Variants in CPED1 observed in about 807,000 individuals in gnomAD.
The protein encoded by CPED1 is cadherin-like and PC-esterase domain-containing protein 1.
Under a neutral mutation model 128.2 loss-of-function variants are expected in CPED1, and 114 were observed. The ratio of observed to expected loss-of-function variants is 0.89; its 90% CI spans 0.76 to 1.04. The LOEUF is 1.04. Ranked by LOEUF, CPED1 falls within the 50% of genes least tolerant of loss-of-function variation. CPED1 has a pLI of 0.00. For synonymous variants in CPED1, 462 were observed against 426.7 expected, an observed-to-expected ratio of 1.08 and a Z score of -1.02; for missense variants, 1,211 against 1,207.1, an observed-to-expected ratio of 1.00 and a Z score of -0.05.
At chr7:121,279,043 G>A (rs565465053) in intron 22 of CPED1, among the ~76,000 whole-genome samples, 3 of 152,154 alleles carry the variant, frequency 2.0e-5, no homozygotes, top group African/African-American at 7.2e-5. Flanking sequence ...GAACTATTTT[G>A]ATTACCATTT....
intron 22 of CPED1, among the ~76,000 whole-genome samples, chr7:121,289,797 C>T (rs1792655482): frequency 6.6e-6 from 1 of 151,740 alleles, no homozygotes; most frequent in Admixed American, 6.6e-5. Flanking sequence ...ATTTGTTATT[C>T]TTTTATTATT....
At chr7:121,148,724 G>T (rs1251709518) in intron 16 of CPED1, among the ~76,000 whole-genome samples, 1 of 152,160 alleles carries the variant, frequency 6.6e-6, no homozygotes, top group African/African-American at 2.4e-5. Context: ...CCCATAGATT[G>T]TATTCCTGAC....
chr7:121,237,657 A>G (rs908413590), intron 17 of CPED1, among the ~76,000 whole-genome samples: 39 of 152,076 alleles, frequency 2.6e-4, no homozygotes, highest in Admixed American at 2.5e-3. Flanking sequence ...ATCTTCTCCA[A>G]GTTTCCTGGT....
At chr7:121,147,515 C>T (rs564826446) in intron 16 of CPED1, among the ~76,000 whole-genome samples, 27 of 144,522 alleles carry the variant, frequency 1.9e-4, no homozygotes, top group South Asian at 8.4e-4. Context: ...ATAAAATATA[C>T]TTATAAGAAA....
chr7:121,173,728 A>G (rs144881916), intron 16 of CPED1, among the ~76,000 whole-genome samples: 5 of 152,178 alleles, frequency 3.3e-5, no homozygotes, highest in African/African-American at 9.6e-5. Flanking sequence ...AATGATGTAT[A>G]TTCTTCCAGG....
chr7:121,266,747 G>A lies in CPED1; in HGVS notation c.2572G>A (p.Val858Ile). 1 of 1,613,038 alleles carries A rather than the reference G, an allele frequency of 6.2e-7. No individual in the cohort carries two copies. Among genetic ancestry groups the A allele is most frequent in the East Asian group, 2.2e-5 (1 of 44,830 alleles). The stretch of plus-strand genomic sequence containing the variant: ...GAATACTGGCCAGACTGTATTGGTT[G>A]TTGGTGGTGTTCAGTGGCTTAATTC... ...LENTGQTVLV[V>I]GGVQWLNSNH... Residue 858 changes from valine to isoleucine, a missense_variant, in exon 20 of 23, where the codon GTT (valine) becomes ATT (isoleucine). Transcript: ENST00000310396.
At chr7:121,269,601 A>G (rs1792194732) in intron 21 of CPED1, among the ~76,000 whole-genome samples, 1 of 152,070 alleles carries the variant, frequency 6.6e-6, no homozygotes, top group Non-Finnish European at 1.5e-5. Flanking sequence ...GAATTAATTT[A>G]TGTTTCCACC....
intron 10 of CPED1, among the ~76,000 whole-genome samples, chr7:121,127,632 T>C (rs1331773108): frequency 1.3e-5 from 2 of 150,828 alleles, no homozygotes; most frequent in African/African-American, 4.9e-5. Context: ...GCCTCCTGGG[T>C]TCAAGAGATT....
At chr7:121,186,649 T>TA (rs58418160) in intron 16 of CPED1, among the ~76,000 whole-genome samples, 9 of 152,020 alleles carry the variant, frequency 5.9e-5, no homozygotes, top group Non-Finnish European at 1.0e-4. Context: ...CCCTAAAAAA[T>TA]AAAAAAATTA....
chr7:121,141,000 C>G lies in CPED1; in HGVS notation c.1873C>G (p.Gln625Glu), dbSNP rs756952096. 6.2e-7 allele frequency: 1 copy of G among 1,609,668 alleles called. No homozygotes were observed. Among genetic ancestry groups the G allele is most frequent in the Non-Finnish European group, 8.5e-7 (1 of 1,178,328 alleles). The change falls in exon 15 of 23, where the codon CAG becomes GAG. Residue 625 changes from glutamine to glutamate, a missense_variant. By Grantham distance (29) the Gln-to-Glu change is conservative. Coordinates refer to ENST00000310396, the MANE Select transcript of CPED1 (RefSeq NM_024913.5). ...KCLCKVHLYE[Q>E]AGPSFASYPL... Reference sequence around the variant, plus strand: ...TCTGTGCAAGGTGCACCTGTACGAGCAGGCAGGGCCAAGGTATGAGATGTT... The same window carrying G: ...TCTGTGCAAGGTGCACCTGTACGAGGAGGCAGGGCCAAGGTATGAGATGTT...
intron 4 of CPED1, among the ~76,000 whole-genome samples, chr7:121,063,381 G>GAAGAAAA: frequency 1.5e-5 from 1 of 67,042 alleles, no homozygotes; most frequent in East Asian, 5.1e-4. Context: ...TGAAGAAACT[G>GAAGAAAA]AAAAAAAAAA....
chr7:121,275,637 A>G (rs897365091), intron 22 of CPED1, among the ~76,000 whole-genome samples: 5 of 152,274 alleles, frequency 3.3e-5, no homozygotes, highest in African/African-American at 1.2e-4. Context: ...AAATGTAGCT[A>G]CAGCTTTTGA....
chr7:121,063,539 A>G (rs1349509688), intron 4 of CPED1, among the ~76,000 whole-genome samples: 1 of 152,138 alleles, frequency 6.6e-6, no homozygotes, highest in Non-Finnish European at 1.5e-5. Flanking sequence ...TTATTAGGTT[A>G]GAGTGTGTTA....
In CPED1 at chr7:121,129,288, TATATATATATATATATATATATAC is replaced by T. The variant is rs1296476036; in HGVS notation, c.1407+803_1408-813del. On this transcript the variant is annotated intron_variant, in intron 11 of 22. Coordinates refer to ENST00000310396, the MANE Select transcript of CPED1 (RefSeq NM_024913.5). Reference sequence around the variant, plus strand: ...AAGTATATGTGTGTGTGTATATATGTATATATATATATATATATATATACGTATATATATATATATATATATACG... The same window carrying T: ...AAGTATATGTGTGTGTGTATATATGTGTATATATATATATATATATATACG... 5.9e-3 allele frequency among the ~76,000 whole-genome samples: 155 copies of T among 26,190 alleles called. 1 individual carries two copies. The highest frequency in any genetic ancestry group is 0.017 in the African/African-American group (75 of 4,388). 17.2% of individuals were successfully genotyped at this position (26,190 alleles called of 152,430 possible).
chr7:121,273,802 A>C (rs1004540154), intron 22 of CPED1, among the ~76,000 whole-genome samples: 1 of 152,128 alleles, frequency 6.6e-6, no homozygotes, highest in Non-Finnish European at 1.5e-5. Context: ...TCCACAAGAA[A>C]ATATACAACG....
intron 16 of CPED1, among the ~76,000 whole-genome samples, chr7:121,232,492 G>A (rs992512574): frequency 4.6e-5 from 7 of 152,096 alleles, no homozygotes; most frequent in African/African-American, 7.2e-5. Context: ...ACCAGCAGAT[G>A]CCTTTGATCA....
At chr7:121,073,334 A>G (rs187996824) in intron 5 of CPED1, among the ~76,000 whole-genome samples, 81 of 152,214 alleles carry the variant, frequency 5.3e-4, no homozygotes, top group African/African-American at 1.9e-3. Context: ...GAGGAGATGG[A>G]AAAAGAGGAG....
At chr7:121,292,253 T>TA (rs745490726) in intron 22 of CPED1, among the ~76,000 whole-genome samples, 93 of 151,972 alleles carry the variant, frequency 6.1e-4, no homozygotes, top group Non-Finnish European at 4.7e-4. Context: ...TCATGCTTTA[T>TA]TTCATTAAGT....
chr7:121,241,548 C>G (rs943110894), intron 17 of CPED1, among the ~76,000 whole-genome samples: 1 of 152,028 alleles, frequency 6.6e-6, no homozygotes, highest in Non-Finnish European at 1.5e-5. Flanking sequence ...TTTCACATAG[C>G]AGACCCTCGT....
Sources: allele counts gnomAD v4.1 joint callset (sites outside exome capture counted in the v4.1 genomes callset), GRCh38; gene constraint gnomAD v4.1.1; transcripts MANE v1.5; gene names NCBI Gene and HGNC (gene_info 2026-07-23, HGNC 2026-07-21).